ANKDD1A: variants seen among roughly 807,000 people sequenced by gnomAD.
The protein encoded by ANKDD1A is ankyrin repeat and death domain containing 1A.
ANKDD1A carries 59 observed loss-of-function variants against 63.5 expected under a neutral mutation model. That is an observed-to-expected ratio of 0.93 (90% CI 0.75 to 1.15). The LOEUF (loss-of-function observed/expected upper bound fraction) is 1.15. Ranked by LOEUF, ANKDD1A falls within the 50% of genes most tolerant of loss-of-function variation. The pLI, the probability that ANKDD1A is intolerant of heterozygous loss-of-function variation, is 0.00. For synonymous variants in ANKDD1A, 266 were observed against 263.9 expected, an observed-to-expected ratio of 1.01 and a Z score of -0.08; for missense variants, 632 against 656.4, an observed-to-expected ratio of 0.96 and a Z score of 0.41.
At chr15:64,944,145 G>A (rs1329381497) in intron 11 of ANKDD1A, among the ~76,000 whole-genome samples, 2 of 152,212 alleles carry the variant, frequency 1.3e-5, no homozygotes, top group South Asian at 4.1e-4. Context: ...CTGGGAGGGG[G>A]CCCCTTCTTT....
At chr15:64,953,689 TCC>T (rs2085355753) in intron 14 of ANKDD1A, among the ~76,000 whole-genome samples, 2 of 79,142 alleles carry the variant, frequency 2.5e-5, no homozygotes, top group African/African-American at 3.7e-5. Context: ...CTTCTCCTTC[TCC>T]CTTCTTCTTT....
At chr15:64,950,630 A>G (rs1248469997) in intron 14 of ANKDD1A, 2 of 985,170 alleles carry the variant, frequency 2.0e-6, no homozygotes, top group Admixed American at 6.1e-5. Flanking sequence ...TGAAGTCTCC[A>G]TTAGATATGA....
chr15:64,927,648 A>G (rs1412556788), intron 6 of ANKDD1A, among the ~76,000 whole-genome samples: 2 of 133,286 alleles, frequency 1.5e-5, no homozygotes, highest in Admixed American at 1.8e-4. Context: ...TCTGTCGTCC[A>G]GGCTGGAGTG....
chr15:64,922,065 C>T (rs1426237575), intron 4 of ANKDD1A, 46 bp downstream of exon 4: 2 of 1,578,074 alleles, frequency 1.3e-6, no homozygotes, highest in African/African-American at 1.3e-5. Flanking sequence ...CTCCCCTGGC[C>T]TGGATGCACA....
chr15:64,953,533 C>T (rs1176064882), intron 14 of ANKDD1A, among the ~76,000 whole-genome samples: 24 of 32,994 alleles, frequency 7.3e-4, no homozygotes, highest in Admixed American at 7.8e-4. Flanking sequence ...TCCTTCTTCT[C>T]CTCTCCTTCT....
At position 64,934,234 on chromosome 15, in the gene ANKDD1A, T is replaced by C. The variant is rs774356453; in HGVS notation, c.867T>C (p.His289=). 1.2e-6 allele frequency: 2 copies of C among 1,611,024 alleles called. No individual in the cohort carries two copies. Among genetic ancestry groups the C allele is most frequent in the South Asian group, 2.2e-5 (2 of 90,260 alleles). Residue 289 remains histidine, a splice_region_variant and synonymous_variant, in exon 9 of 15, where the codon CAT becomes CAC. Coordinates refer to ENST00000319580, the MANE Select transcript of ANKDD1A (RefSeq NM_182703.6). ...GAGGCTGCGCCAACGTGGTTGATCA[T>C]GTAAGTATGGTGCGAGTGTTGAAGG... ...HAGGCANVVD[H]QGASPLHLAV... is the part of the protein sequence containing the mutation.
intron 14 of ANKDD1A, chr15:64,951,553 T>TCTG (rs1555397387): frequency 0.21 from 4,665 of 22,154 alleles, 247 homozygotes; most frequent in African/African-American, 0.28. Flanking sequence ...TTTCTTCTCT[T>TCTG]CTTTCTTTTT....
chr15:64,926,754 T>TG, intron 5 of ANKDD1A, 147 bp from the exon 6 acceptor site: 1 of 760,048 alleles, frequency 1.3e-6, no homozygotes, highest in Non-Finnish European at 2.2e-6. Flanking sequence ...AGGCAGGGTG[T>TG]GGGGAGGCAA....
chr15:64,925,464 C>G (rs1669483829), intron 4 of ANKDD1A, among the ~76,000 whole-genome samples: 1 of 152,048 alleles, frequency 6.6e-6, no homozygotes, highest in Admixed American at 6.6e-5. Context: ...AGACCTTCTT[C>G]CTGTCCACCC....
chr15:64,950,114 C>G (rs2085258111), intron 14 of ANKDD1A, 142 bp downstream of exon 14: 1 of 1,464,464 alleles, frequency 6.8e-7, no homozygotes, highest in Non-Finnish European at 9.0e-7. Flanking sequence ...TAGCCCTGCC[C>G]TCTTTTCCCT....
At position 64,957,337 on chromosome 15, in the gene ANKDD1A, TTC is replaced by T. The variant is rs1265776107; in HGVS notation, c.*151_*152del. 18 of 249,690 alleles carry T rather than the reference TTC, an allele frequency of 7.2e-5. No individual in the cohort carries two copies. Among genetic ancestry groups the T allele is most frequent in the South Asian group, 2.2e-4 (6 of 27,164 alleles). 15.5% of individuals were successfully genotyped at this position (249,690 alleles called of 1,614,324 possible). The stretch of plus-strand genomic sequence containing the variant: ...CCTTAAATAATAAGAGTAGAATACT[TTC>T]TGTGTTTTTATCTTATACACATGAA... On this transcript the variant is annotated 3_prime_UTR_variant, in exon 15 of 15. Coordinates refer to ENST00000319580, the MANE Select transcript of ANKDD1A (RefSeq NM_182703.6).
chr15:64,956,376 T>C (rs539558065), intron 14 of ANKDD1A, among the ~76,000 whole-genome samples: 37 of 152,006 alleles, frequency 2.4e-4, no homozygotes, highest in Middle Eastern at 3.4e-3. Context: ...AGTGAAACCC[T>C]GTCTCTACTA....
intron 9 of ANKDD1A, among the ~76,000 whole-genome samples, chr15:64,939,043 T>C (rs1411917591): frequency 3.9e-5 from 6 of 152,088 alleles, no homozygotes; most frequent in African/African-American, 1.4e-4. Flanking sequence ...AAAAACATCA[T>C]ACTAATTAAG....
At chr15:64,947,990 G>A (rs950685559) in intron 13 of ANKDD1A, among the ~76,000 whole-genome samples, 1 of 152,164 alleles carries the variant, frequency 6.6e-6, no homozygotes, top group East Asian at 1.9e-4. Context: ...GGAAGAGAGA[G>A]ACTTATTGAT....
rs548083006 is a variant in ANKDD1A, at chr15:64,956,386, A to G, written c.1484-717A>G. Among the ~76,000 whole-genome samples the G allele has an allele frequency of 3.6e-4, 55 of 152,164 alleles. 1 individual carries two copies. The South Asian group carries it at 0.011, about 32-fold the overall frequency. On this transcript the variant is annotated intron_variant, in intron 14 of 14. Transcript: ENST00000319580. ...AACACAGTGAAACCCTGTCTCTACT[A>G]AAAATACAAAAAATTAGCCAGGCAT... is the stretch of plus-strand genomic sequence containing the variant.
intron 12 of ANKDD1A, among the ~76,000 whole-genome samples, chr15:64,946,829 A>C (rs1249357168): frequency 1.3e-5 from 2 of 152,190 alleles, no homozygotes; most frequent in African/African-American, 4.8e-5. Context: ...TTCACCCTGA[A>C]CTTAACAACC....
intron 14 of ANKDD1A, among the ~76,000 whole-genome samples, chr15:64,956,615 G>C (rs556780006): frequency 6.6e-5 from 10 of 152,200 alleles, no homozygotes; most frequent in Non-Finnish European, 1.2e-4. Flanking sequence ...GAATGCAGTG[G>C]TGTGATCTTG....
At chr15:64,912,790 G>T (rs1595844391) in intron 1 of ANKDD1A, among the ~76,000 whole-genome samples, 1 of 152,252 alleles carries the variant, frequency 6.6e-6, no homozygotes, top group East Asian at 1.9e-4. Context: ...TGTCCAAAAT[G>T]CTGGCACACT....
chr15:64,954,040 CTCT>C (rs748838401), intron 14 of ANKDD1A, among the ~76,000 whole-genome samples: 3,680 of 102,306 alleles, frequency 0.036, 61 homozygotes, highest in Admixed American at 0.052. Flanking sequence ...TTTCTTCTTC[CTCT>C]TCTTCTTTTC....
Sources: gnomAD v4.1 joint callset for allele counts (sites outside exome capture counted in the v4.1 genomes callset) on GRCh38, gnomAD v4.1.1 for gene constraint, MANE v1.5 for transcripts, NCBI Gene and HGNC (gene_info 2026-07-23, HGNC 2026-07-21) for gene names.